The following UNC13C variants were observed in gnomAD, a reference collection of about 807,000 sequenced individuals.
UNC13C encodes unc-13 homolog C.
UNC13C carries 174 observed loss-of-function variants against 245.4 expected under a neutral mutation model. The ratio of observed to expected loss-of-function variants is 0.71; its 90% CI spans 0.63 to 0.80. The LOEUF (loss-of-function observed/expected upper bound fraction) is 0.80. Among genes scored for constraint, UNC13C ranks in the 30% least tolerant of loss-of-function variants. The pLI is 0.00. For synonymous variants in UNC13C, 992 were observed against 895.1 expected (o/e 1.11, Z -1.93); for missense variants, 2,829 against 2,602.9 (o/e 1.09, Z -1.89).
intron 2 of UNC13C, among the ~76,000 whole-genome samples, chr15:54,029,941 T>C (rs1896285187): frequency 6.6e-6 from 1 of 152,112 alleles, no homozygotes; most frequent in Non-Finnish European, 1.5e-5. Flanking sequence ...TCAGCAACCC[T>C]CAACCAGTAA....
At chr15:54,421,027 G>A (rs2040630693) in intron 19 of UNC13C, among the ~76,000 whole-genome samples, 1 of 151,902 alleles carries the variant, frequency 6.6e-6, no homozygotes, top group Non-Finnish European at 1.5e-5. Context: ...ATCTTATTTA[G>A]CAATTGCCTA....
intron 10 of UNC13C, among the ~76,000 whole-genome samples, chr15:54,283,263 A>G (rs560110714): frequency 1.3e-5 from 2 of 152,314 alleles, no homozygotes; most frequent in East Asian, 3.9e-4. Flanking sequence ...ACCTTCAACA[A>G]TATGGGTATA....
chr15:54,035,485 TA>T (rs2141024189), intron 2 of UNC13C, among the ~76,000 whole-genome samples: 1 of 152,318 alleles, frequency 6.6e-6, no homozygotes, highest in Admixed American at 6.5e-5. Flanking sequence ...ACAAACTTCA[TA>T]GGAACTCATT....
At chr15:54,318,630 C>A (rs989867529) in intron 13 of UNC13C, among the ~76,000 whole-genome samples, 1 of 151,774 alleles carries the variant, frequency 6.6e-6, no homozygotes, top group Non-Finnish European at 1.5e-5. Context: ...GTATTAACAC[C>A]TTATCAGATG....
At chr15:54,262,294 C>A (rs890861798) in intron 8 of UNC13C, among the ~76,000 whole-genome samples, 1 of 152,160 alleles carries the variant, frequency 6.6e-6, no homozygotes, top group Non-Finnish European at 1.5e-5. Context: ...ATAAGAATAG[C>A]TGTTTGGAAA....
At chr15:54,302,348 G>A (rs1277971600) in intron 13 of UNC13C, among the ~76,000 whole-genome samples, 6 of 152,112 alleles carry the variant, frequency 3.9e-5, no homozygotes, top group African/African-American at 7.2e-5. Flanking sequence ...TGCTGTTTTA[G>A]TCATGAAGTT....
chr15:53,957,061 A>G, the UNC13C span, among the ~76,000 whole-genome samples: 16 of 152,322 alleles, frequency 1.1e-4, no homozygotes, highest in South Asian at 2.1e-4. Flanking sequence ...TCATTACTAC[A>G]TATGTGTTCA....
intron 7 of UNC13C, among the ~76,000 whole-genome samples, chr15:54,239,752 C>T (rs544840791): frequency 6.6e-6 from 1 of 152,262 alleles, no homozygotes; most frequent in African/African-American, 2.4e-5. Flanking sequence ...ATGGCCCCCA[C>T]CTCCTTATTC....
At chr15:54,213,485 T>C (rs2034948815) in intron 4 of UNC13C, among the ~76,000 whole-genome samples, 1 of 152,026 alleles carries the variant, frequency 6.6e-6, no homozygotes, top group Admixed American at 6.6e-5. Flanking sequence ...CATGGTGAAA[T>C]GGGTTCTCAA....
rs375306071 is a variant in UNC13C, at chr15:54,592,245, A to C, written c.6106+24298A>C. 1.6e-3 allele frequency among the ~76,000 whole-genome samples: 241 copies of C among 152,172 alleles called. 11 individuals carry two copies. In the South Asian group the frequency reaches 0.044, roughly 28 times the overall value. On this transcript the variant is annotated intron_variant, in intron 30 of 32. Transcript: ENST00000260323. ...GTCTATCTTGGAGAAAGTTCCATGC[A>C]CTGCTGAATAGAACGTGTATTCTGT...
At chr15:53,886,646 G>C in the UNC13C span, among the ~76,000 whole-genome samples, 2 of 152,146 alleles carry the variant, frequency 1.3e-5, no homozygotes, top group Non-Finnish European at 2.9e-5. Context: ...GCTATGCATT[G>C]TGATTTCCTT....
intron 8 of UNC13C, among the ~76,000 whole-genome samples, chr15:54,259,139 A>G (rs1311302454): frequency 6.6e-6 from 1 of 152,218 alleles, no homozygotes; most frequent in Non-Finnish European, 1.5e-5. Flanking sequence ...TTCATGATCT[A>G]GCTACTTCCC....
At chr15:54,000,715 C>T (rs1334487617) in intron 1 of UNC13C, among the ~76,000 whole-genome samples, 2 of 152,022 alleles carry the variant, frequency 1.3e-5, no homozygotes, top group African/African-American at 4.8e-5. Context: ...TAAAACTAAG[C>T]AAAATGAGTT....
At chr15:54,321,809 A>C in intron 13 of UNC13C, 130 bp from the exon 14 acceptor site, 8 of 949,082 alleles carry the variant, frequency 8.4e-6, no homozygotes, top group Non-Finnish European at 1.2e-5. Flanking sequence ...TCTTTCAATT[A>C]GAGATTGTGC....
rs571293493 is a variant in UNC13C, at chr15:54,423,308, AAAT to A, written c.4933+8248_4933+8250del. 1.0e-3 allele frequency among the ~76,000 whole-genome samples: 153 copies of A among 151,952 alleles called. 3 individuals carry two copies. Among genetic ancestry groups the A allele is most frequent in the Middle Eastern group, 6.8e-3 (2 of 294 alleles). Reference sequence around the variant, plus strand: ...TTAAAATTAAATACTCCTATTCAAAAAATAATAATTGAATATTTTGAAAATATA... The same window carrying A: ...TTAAAATTAAATACTCCTATTCAAAAAATAATTGAATATTTTGAAAATATA... On this transcript the variant is annotated intron_variant, in intron 19 of 32. Transcript: ENST00000260323.
chr15:54,156,067 A>T (rs186485378), intron 4 of UNC13C, among the ~76,000 whole-genome samples: 43 of 152,348 alleles, frequency 2.8e-4, no homozygotes, highest in African/African-American at 9.9e-4. Flanking sequence ...TGACTCAGTT[A>T]TTCTGGTCAA....
chr15:53,934,111 G>T, the UNC13C span, among the ~76,000 whole-genome samples: 1 of 152,234 alleles, frequency 6.6e-6, no homozygotes, highest in African/African-American at 2.4e-5. Flanking sequence ...GAGTGAGGGA[G>T]GTGCCACATA....
the UNC13C span, among the ~76,000 whole-genome samples, chr15:53,844,172 G>A: frequency 3.3e-5 from 5 of 152,202 alleles, no homozygotes; most frequent in South Asian, 8.3e-4. Flanking sequence ...AGGAAAAAGT[G>A]TGTGTCACTG....
chr15:53,886,107 T>C, the UNC13C span, among the ~76,000 whole-genome samples: 1 of 152,138 alleles, frequency 6.6e-6, no homozygotes, highest in Non-Finnish European at 1.5e-5. Context: ...GTTTAGATGG[T>C]TACATACAGA....
Sources: allele counts gnomAD v4.1 joint callset (sites outside exome capture counted in the v4.1 genomes callset), GRCh38; gene constraint gnomAD v4.1.1; transcripts MANE v1.5; gene names NCBI Gene and HGNC (gene_info 2026-07-23, HGNC 2026-07-21).